Variants in LHFPL4 observed in about 807,000 individuals in gnomAD.
LHFPL4 encodes the protein LHFPL tetraspan subfamily member 4 protein.
Under a neutral mutation model 20.0 loss-of-function variants are expected in LHFPL4, and 6 were observed. That is an observed-to-expected ratio of 0.30 (90% confidence interval 0.16 to 0.59). The LOEUF (loss-of-function observed/expected upper bound fraction) is 0.59. LHFPL4 is among the 20% of genes least tolerant of loss of function. The pLI is 0.88. For missense variants in LHFPL4, 215 were observed against 331.2 expected (o/e 0.65, Z 2.72); for synonymous variants, 129 against 143.8 (o/e 0.90, Z 0.74).
chr3:9,539,449 C>T (rs568567661), intron 2 of LHFPL4, among the ~76,000 whole-genome samples: 2 of 114,496 alleles, frequency 1.7e-5, no homozygotes, highest in Non-Finnish European at 3.5e-5. Context: ...AGTGAAACTT[C>T]GTCTCAAAAA....
At chr3:9,540,619 CA>C (rs1258785421) in intron 2 of LHFPL4, among the ~76,000 whole-genome samples, 2 of 151,992 alleles carry the variant, frequency 1.3e-5, no homozygotes, top group Non-Finnish European at 2.9e-5. Context: ...CTGGGTTGGT[CA>C]TAGTGGCTCA....
intron 2 of LHFPL4, among the ~76,000 whole-genome samples, chr3:9,515,120 G>C (rs1412117941): frequency 1.3e-5 from 2 of 152,188 alleles, no homozygotes; most frequent in Non-Finnish European, 1.5e-5. Context: ...ATTCCCACCA[G>C]CAAGGAATGA....
intron 2 of LHFPL4, among the ~76,000 whole-genome samples, chr3:9,508,059 G>T (rs954222767): frequency 2.0e-5 from 3 of 152,198 alleles, no homozygotes; most frequent in Admixed American, 2.0e-4. Flanking sequence ...TGACAGCAAT[G>T]TAAAGTGGGG....
At chr3:9,535,511 C>T (rs976085001) in intron 2 of LHFPL4, among the ~76,000 whole-genome samples, 2 of 149,152 alleles carry the variant, frequency 1.3e-5, no homozygotes, top group African/African-American at 4.9e-5. Flanking sequence ...ACTAAGACTA[C>T]GGGTGTAATT....
At chr3:9,544,003 G>T (rs940171906) in intron 2 of LHFPL4, among the ~76,000 whole-genome samples, 4 of 152,030 alleles carry the variant, frequency 2.6e-5, no homozygotes, top group African/African-American at 9.7e-5. Flanking sequence ...GATTACAGAT[G>T]AGTGCCAGTG....
chr3:9,513,135 T>C (rs2046272373), intron 2 of LHFPL4, among the ~76,000 whole-genome samples: 1 of 152,058 alleles, frequency 6.6e-6, no homozygotes, highest in Admixed American at 6.6e-5. Flanking sequence ...AATTTTTTTG[T>C]ATTTTTAGTA....
At position 9,510,754 on chromosome 3, in the gene LHFPL4, A is replaced by G. The variant is rs528414250; in HGVS notation, c.407-4551T>C. ...GGAGTTCGAGACCAGCCTGGTCAAC[A>G]TGGTGAAACCCCATCTCTACTAAAA... On this transcript the variant is annotated intron_variant, in intron 2 of 3. Coordinates refer to ENST00000287585, the MANE Select transcript of LHFPL4 (RefSeq NM_198560.3). Among the ~76,000 whole-genome samples, 276 of 152,146 alleles carry G rather than the reference A, an allele frequency of 1.8e-3. 1 individual carries two copies. Among genetic ancestry groups the G allele is most frequent in the Non-Finnish European group, 2.8e-3 (193 of 68,016 alleles).
intron 2 of LHFPL4, among the ~76,000 whole-genome samples, chr3:9,538,324 G>C (rs1045978869): frequency 6.6e-6 from 1 of 152,020 alleles, no homozygotes; most frequent in Admixed American, 6.6e-5. Flanking sequence ...AATAAGACCC[G>C]AACTCCAAAG....
At chr3:9,538,255 T>C (rs948586843) in intron 2 of LHFPL4, among the ~76,000 whole-genome samples, 7 of 152,254 alleles carry the variant, frequency 4.6e-5, no homozygotes, top group Admixed American at 4.6e-4. Flanking sequence ...GTCATCTTTC[T>C]AAACCCACAT....
intron 2 of LHFPL4, among the ~76,000 whole-genome samples, chr3:9,547,806 GTTTTGTTTTC>G (rs146493020): frequency 0.16 from 23,635 of 151,698 alleles, 2,841 homozygotes; most frequent in East Asian, 0.39. Context: ...GTTTTGTTTT[GTTTTGTTTTC>G]TTTTATTGAG....
chr3:9,503,122 AT>A (rs2046190490), intron 3 of LHFPL4, among the ~76,000 whole-genome samples: 1 of 152,080 alleles, frequency 6.6e-6, no homozygotes, highest in African/African-American at 2.4e-5. Context: ...GGTGCGCGCC[AT>A]GGCTTTTGGC....
intron 2 of LHFPL4, among the ~76,000 whole-genome samples, chr3:9,511,983 A>T (rs1394818704): frequency 1.3e-5 from 2 of 148,848 alleles, no homozygotes; most frequent in African/African-American, 2.5e-5. Flanking sequence ...CCCAGGCTGG[A>T]GTGCAGTGGC....
chr3:9,551,802 A>C (rs1432204836), intron 2 of LHFPL4, among the ~76,000 whole-genome samples: 1 of 152,230 alleles, frequency 6.6e-6, no homozygotes, highest in Non-Finnish European at 1.5e-5. Flanking sequence ...CCTGTTTTAC[A>C]GATGAGGAAA....
intron 2 of LHFPL4, among the ~76,000 whole-genome samples, chr3:9,551,573 GGGA>G (rs1474879245): frequency 6.6e-6 from 1 of 152,178 alleles, no homozygotes; most frequent in Non-Finnish European, 1.5e-5. Flanking sequence ...GAGGGTCTCA[GGGA>G]CTCACTCCCA....
intron 2 of LHFPL4, among the ~76,000 whole-genome samples, chr3:9,524,819 T>C (rs953957196): frequency 6.6e-6 from 1 of 152,202 alleles, no homozygotes; most frequent in African/African-American, 2.4e-5. Context: ...ATTTTTTTCT[T>C]GATAGCTGGA....
intron 2 of LHFPL4, among the ~76,000 whole-genome samples, chr3:9,517,155 A>G (rs2046308535): frequency 6.6e-6 from 1 of 152,020 alleles, no homozygotes; most frequent in South Asian, 2.1e-4. Flanking sequence ...CAATCCTCTG[A>G]TTTTGTTCTC....
At chr3:9,513,318 G>C (rs192489092) in intron 2 of LHFPL4, among the ~76,000 whole-genome samples, 3 of 151,842 alleles carry the variant, frequency 2.0e-5, no homozygotes, top group East Asian at 3.9e-4. Context: ...ATTTTATTTT[G>C]TTTTGTTTTT....
chr3:9,542,644 CA>C (rs1398358153), intron 2 of LHFPL4, among the ~76,000 whole-genome samples: 25 of 151,282 alleles, frequency 1.7e-4, no homozygotes, highest in Admixed American at 1.5e-3. Context: ...TCGTTTCTAC[CA>C]AAGTTTTAAA....
At chr3:9,505,918 G>T in intron 3 of LHFPL4, 49 bp downstream of exon 3, 1 of 1,530,638 alleles carries the variant, frequency 6.5e-7, no homozygotes, top group Non-Finnish European at 9.0e-7. Flanking sequence ...CTGCCTCCCA[G>T]GACCAGGCCT....
Sources: gnomAD v4.1 joint callset for allele counts (sites outside exome capture counted in the v4.1 genomes callset) on GRCh38, gnomAD v4.1.1 for gene constraint, MANE v1.5 for transcripts, NCBI Gene and HGNC (gene_info 2026-07-23, HGNC 2026-07-21) for gene names.